GALNTL6: variants seen among roughly 807,000 people sequenced by gnomAD.
GALNTL6 encodes the protein polypeptide N-acetylgalactosaminyltransferase like 6.
GALNTL6 carries 46 observed loss-of-function variants against 73.7 expected under a neutral mutation model. The ratio of observed to expected loss-of-function variants is 0.62; its 90% CI spans 0.49 to 0.80. GALNTL6 has a LOEUF of 0.80. Ranked by LOEUF, GALNTL6 falls within the 30% of genes least tolerant of loss-of-function variation. GALNTL6 has a pLI of 0.00. For missense variants in GALNTL6, 604 were observed against 755.0 expected (o/e 0.80, Z 2.34); for synonymous variants, 259 against 263.7 (o/e 0.98, Z 0.17).
intron 8 of GALNTL6, among the ~76,000 whole-genome samples, chr4:172,915,149 A>G (rs1253796311): frequency 6.6e-6 from 1 of 152,236 alleles, no homozygotes; most frequent in Non-Finnish European, 1.5e-5. Flanking sequence ...CTGAATGACT[A>G]CTGGGTACAT....
chr4:172,158,349 C>T (rs6835456), intron 2 of GALNTL6, among the ~76,000 whole-genome samples: 90,964 of 151,690 alleles, frequency 0.6, 28,579 homozygotes, highest in African/African-American at 0.8. Context: ...AGTCCCCTTC[C>T]CTTTGTGCTG....
intron 2 of GALNTL6, among the ~76,000 whole-genome samples, chr4:172,058,251 C>A (rs1382246270): frequency 6.6e-6 from 1 of 152,018 alleles, no homozygotes; most frequent in Non-Finnish European, 1.5e-5. Context: ...AGCCACCATG[C>A]CTACCCTACA....
At chr4:171,860,194 T>C (rs762803698) in intron 2 of GALNTL6, among the ~76,000 whole-genome samples, 7 of 152,242 alleles carry the variant, frequency 4.6e-5, no homozygotes, top group Non-Finnish European at 1.0e-4. Flanking sequence ...TAGGTTTTTT[T>C]CTCAACAAAT....
intron 5 of GALNTL6, among the ~76,000 whole-genome samples, chr4:172,673,187 C>T (rs996426473): frequency 1.3e-5 from 2 of 152,124 alleles, no homozygotes; most frequent in African/African-American, 4.8e-5. Context: ...ACTGCCTTAG[C>T]TGTGTCCCAA....
chr4:172,818,783 G>T (rs867642559), intron 7 of GALNTL6, among the ~76,000 whole-genome samples: 10 of 152,266 alleles, frequency 6.6e-5, no homozygotes, highest in Middle Eastern at 3.4e-3. Context: ...ATTTTTAGTA[G>T]AGACAGGGTT....
chr4:172,207,060 G>A (rs544798381), intron 2 of GALNTL6, among the ~76,000 whole-genome samples: 34 of 151,442 alleles, frequency 2.2e-4, no homozygotes, highest in South Asian at 8.4e-4. Flanking sequence ...CTCGTGATCC[G>A]CCCCCCTTGG....
At chr4:172,029,922 GTAAATT>G (rs535491892) in intron 2 of GALNTL6, among the ~76,000 whole-genome samples, 3 of 152,148 alleles carry the variant, frequency 2.0e-5, no homozygotes, top group African/African-American at 7.2e-5. Flanking sequence ...ATTTACATTG[GTAAATT>G]TAAATATGGA....
chr4:172,419,970 G>T (rs1342334759), intron 5 of GALNTL6, among the ~76,000 whole-genome samples: 2 of 152,096 alleles, frequency 1.3e-5, no homozygotes, highest in South Asian at 2.1e-4. Flanking sequence ...CTAGACATTT[G>T]TAAGAATTTT....
intron 5 of GALNTL6, among the ~76,000 whole-genome samples, chr4:172,708,900 G>A (rs768579821): frequency 4.6e-5 from 7 of 152,210 alleles, no homozygotes; most frequent in Non-Finnish European, 7.4e-5. Flanking sequence ...TGTTATTTGA[G>A]ATGCCTTAAG....
intron 2 of GALNTL6, among the ~76,000 whole-genome samples, chr4:172,027,508 A>G (rs1030014395): frequency 6.6e-6 from 1 of 152,090 alleles, no homozygotes; most frequent in Non-Finnish European, 1.5e-5. Flanking sequence ...TGATCCACTC[A>G]CTGGCCATTC....
At chr4:172,666,525 T>A (rs867996623) in intron 5 of GALNTL6, among the ~76,000 whole-genome samples, 1 of 151,976 alleles carries the variant, frequency 6.6e-6, no homozygotes, top group African/African-American at 2.4e-5. Context: ...ACAAAAAAAA[T>A]TCTGTGAGGA....
chr4:172,252,220 G>C (rs1051336874), intron 3 of GALNTL6, among the ~76,000 whole-genome samples: 1 of 152,130 alleles, frequency 6.6e-6, no homozygotes, highest in Non-Finnish European at 1.5e-5. Context: ...TTTTTAAAAA[G>C]ACACAGCTTA....
At chr4:172,135,786 T>A (rs567071289) in intron 2 of GALNTL6, among the ~76,000 whole-genome samples, 35 of 152,012 alleles carry the variant, frequency 2.3e-4, no homozygotes, top group African/African-American at 7.2e-4. Context: ...ATGAGAAAAA[T>A]TTAATGATAT....
At chr4:172,558,371 A>G (rs2110918283) in intron 5 of GALNTL6, among the ~76,000 whole-genome samples, 1 of 152,324 alleles carries the variant, frequency 6.6e-6, no homozygotes, top group African/African-American at 2.4e-5. Context: ...CCCCACTGTG[A>G]CTATATTTGG....
intron 5 of GALNTL6, among the ~76,000 whole-genome samples, chr4:172,806,298 A>C (rs1740953940): frequency 6.6e-6 from 1 of 152,246 alleles, no homozygotes; most frequent in Non-Finnish European, 1.5e-5. Flanking sequence ...TGAAGGGTCA[A>C]ACCCCTTATG....
rs1427524653 is a variant in GALNTL6 at position 172,809,118 on chromosome 4, T to C, written c.554-243T>C. Among the ~76,000 whole-genome samples, 1 of 152,194 alleles carries C rather than the reference T, an allele frequency of 6.6e-6. No individual in the cohort carries two copies. The highest frequency in any genetic ancestry group is 1.5e-5 in the Non-Finnish European group (1 of 68,030). On this transcript the variant is annotated intron_variant, in intron 5 of 12. Transcript: ENST00000506823. This position sits in a 1 kb window ranked among gnomAD's most constrained non-coding sequence, Gnocchi z 4.4. Reference sequence around the variant, plus strand: ...CAGCTGTCAGCCAGCAGTAACTGCATAACAGACCTCTGGCATGTCAGTGAC... The same window carrying C: ...CAGCTGTCAGCCAGCAGTAACTGCACAACAGACCTCTGGCATGTCAGTGAC...
At position 171,985,209 on chromosome 4, in the gene GALNTL6, A is replaced by G. The variant is rs1579032246; in HGVS notation, c.138+170491A>G. ...GAGACTGGGTATTTTATAAAGAAAA[A>G]AAAAGCTTTAATGGACTCATAGTTC... On this transcript the variant is annotated intron_variant, in intron 2 of 12. Transcript: ENST00000506823. Among the ~76,000 whole-genome samples the G allele has an allele frequency of 2.6e-5, 4 of 152,164 alleles. No homozygotes were observed. The South Asian group carries it at 8.3e-4, about 32-fold the overall frequency.
chr4:172,669,291 A>G (rs1323765559), intron 5 of GALNTL6: 2 of 152,218 alleles, frequency 1.3e-5, no homozygotes, highest in Non-Finnish European at 2.9e-5. Context: ...TAACCTGCAT[A>G]TTAATACTTT....
intron 4 of GALNTL6, among the ~76,000 whole-genome samples, chr4:172,331,343 G>A (rs1278175009): frequency 2.6e-5 from 4 of 151,868 alleles, no homozygotes; most frequent in East Asian, 1.9e-4. Flanking sequence ...GCAGTGGTGC[G>A]ATCTGGGCTC....
Sources: allele counts gnomAD v4.1 joint callset (sites outside exome capture counted in the v4.1 genomes callset), GRCh38; gene constraint gnomAD v4.1.1; non-coding constraint Gnocchi (gnomAD v3.1); transcripts MANE v1.5; gene names NCBI Gene and HGNC (gene_info 2026-07-23, HGNC 2026-07-21).